Variants in MMP16 observed in about 807,000 individuals in gnomAD.
The protein encoded by MMP16 is matrix metalloproteinase-16.
MMP16 carries 12 observed loss-of-function variants against 67.8 expected under a neutral mutation model. The ratio of observed to expected loss-of-function variants is 0.18; its 90% CI spans 0.11 to 0.29. The LOEUF (loss-of-function observed/expected upper bound fraction) is 0.29, where lower values mean the gene tolerates loss of function less well. Ranked by LOEUF, MMP16 falls within the 10% of genes least tolerant of loss-of-function variation. The pLI is 1.00. For missense variants in MMP16, 475 were observed against 765.7 expected (o/e 0.62, Z 4.48); for synonymous variants, 249 against 255.9 (o/e 0.97, Z 0.26).
intron 1 of MMP16, among the ~76,000 whole-genome samples, chr8:88,324,236 ACT>A (rs1811504573): frequency 6.6e-6 from 1 of 151,992 alleles, no homozygotes; most frequent in Admixed American, 6.6e-5. Context: ...AACCAAATGC[ACT>A]CTCTTTCTGT....
intron 1 of MMP16, among the ~76,000 whole-genome samples, chr8:88,246,392 T>C (rs2129912817): frequency 6.6e-6 from 1 of 152,340 alleles, no homozygotes; most frequent in Middle Eastern, 3.4e-3. Flanking sequence ...AGTTATTGCA[T>C]ATGAATCCAT....
At chr8:88,230,383 G>C (rs13254181) in intron 1 of MMP16, among the ~76,000 whole-genome samples, 1 of 151,912 alleles carries the variant, frequency 6.6e-6, no homozygotes. Flanking sequence ...TCTGAAGCAG[G>C]CTACATAAAA....
intron 1 of MMP16, among the ~76,000 whole-genome samples, chr8:88,234,653 C>T (rs553633448): frequency 1.3e-5 from 2 of 152,212 alleles, no homozygotes; most frequent in African/African-American, 2.4e-5. Context: ...GAGTTAGACT[C>T]TGACCTTTAC....
chr8:88,247,648 A>C (rs1311268496), intron 1 of MMP16, among the ~76,000 whole-genome samples: 1 of 152,164 alleles, frequency 6.6e-6, no homozygotes, highest in Admixed American at 6.6e-5. Flanking sequence ...TGACAATAAA[A>C]GGTAGGAAAA....
At chr8:88,238,762 G>C (rs538020620) in intron 1 of MMP16, among the ~76,000 whole-genome samples, 1 of 147,606 alleles carries the variant, frequency 6.8e-6, no homozygotes, top group Non-Finnish European at 1.5e-5. Flanking sequence ...TAATAACTTT[G>C]AGGCATATGT....
intron 6 of MMP16, among the ~76,000 whole-genome samples, chr8:88,112,220 T>C (rs1809349150): frequency 1.3e-5 from 2 of 151,022 alleles, no homozygotes; most frequent in South Asian, 4.2e-4. Context: ...AAGGAACTCC[T>C]GGTGCTGTAT....
At chr8:88,243,877 G>A (rs886188305) in intron 1 of MMP16, among the ~76,000 whole-genome samples, 26 of 152,164 alleles carry the variant, frequency 1.7e-4, no homozygotes, top group Admixed American at 1.7e-3. Flanking sequence ...ACAAAGTTCT[G>A]GTTGCCAGAA....
At position 88,160,577 on chromosome 8, in the gene MMP16, G is replaced by A. The variant is rs7832351; in HGVS notation, c.709+7092C>T. On this transcript the variant is annotated intron_variant, in intron 4 of 9. Coordinates refer to ENST00000286614, the MANE Select transcript of MMP16 (RefSeq NM_005941.5). ...TCAGAGAAATGCAAATCAAAACCATGATGAGATACCACCTCGCACCAGTTA... is the reference window on the plus strand; with the variant it reads ...TCAGAGAAATGCAAATCAAAACCATAATGAGATACCACCTCGCACCAGTTA... 6.1e-3 allele frequency among the ~76,000 whole-genome samples: 924 copies of A among 152,088 alleles called. 4 individuals are homozygous for A. Among genetic ancestry groups the A allele is most frequent in the African/African-American group, 0.021 (873 of 41,496 alleles).
chr8:88,193,879 T>TTTTTTTG (rs1223330342), intron 2 of MMP16, among the ~76,000 whole-genome samples: 1 of 151,926 alleles, frequency 6.6e-6, no homozygotes, highest in African/African-American at 2.4e-5. Flanking sequence ...TGCCTTGCTA[T>TTTTTTTG]TTTTTTGTTT....
chr8:88,104,584 C>T (rs1019083137), intron 6 of MMP16, among the ~76,000 whole-genome samples: 14 of 151,410 alleles, frequency 9.2e-5, no homozygotes, highest in African/African-American at 3.4e-4. Flanking sequence ...AAAATTATAG[C>T]ACATACAATG....
intron 6 of MMP16, among the ~76,000 whole-genome samples, chr8:88,078,211 G>A (rs1253382455): frequency 6.6e-6 from 1 of 151,964 alleles, no homozygotes; most frequent in Non-Finnish European, 1.5e-5. Context: ...GCAAAGTCAA[G>A]TTGTGAAAAA....
chr8:88,296,829 A>G (rs1180311355), intron 1 of MMP16, among the ~76,000 whole-genome samples: 1 of 149,722 alleles, frequency 6.7e-6, no homozygotes, highest in Non-Finnish European at 1.5e-5. Context: ...TGGGTGGCAA[A>G]GTCAGACACT....
chr8:88,254,330 G>A (rs1006980172), intron 1 of MMP16, among the ~76,000 whole-genome samples: 11 of 152,010 alleles, frequency 7.2e-5, no homozygotes, highest in African/African-American at 2.7e-4. Context: ...GAGAGGGAGA[G>A]GATCAGGAAA....
At chr8:88,181,338 G>A (rs954873216) in intron 3 of MMP16, among the ~76,000 whole-genome samples, 15 of 151,942 alleles carry the variant, frequency 9.9e-5, no homozygotes, top group African/African-American at 3.6e-4. Flanking sequence ...TAGTAAAGTT[G>A]CAGGATACAA....
At chr8:88,226,764 C>A (rs932821564) in intron 1 of MMP16, among the ~76,000 whole-genome samples, 1 of 151,986 alleles carries the variant, frequency 6.6e-6, no homozygotes, top group Non-Finnish European at 1.5e-5. Context: ...TCTCTTCTGC[C>A]TATTTCAGTT....
intron 4 of MMP16, among the ~76,000 whole-genome samples, chr8:88,148,429 T>C (rs577250094): frequency 3.3e-5 from 5 of 152,332 alleles, no homozygotes; most frequent in Admixed American, 2.0e-4. Context: ...CCGGTGAAAA[T>C]AGCTGGGTGC....
At chr8:88,066,732 CAT>C (rs1357370969) in intron 7 of MMP16, among the ~76,000 whole-genome samples, 2 of 152,070 alleles carry the variant, frequency 1.3e-5, no homozygotes, top group Non-Finnish European at 1.5e-5. Flanking sequence ...CCACCCCACA[CAT>C]GTCTACACAT....
intron 6 of MMP16, among the ~76,000 whole-genome samples, chr8:88,090,564 G>C (rs1446412567): frequency 6.6e-6 from 1 of 151,624 alleles, no homozygotes; most frequent in Non-Finnish European, 1.5e-5. Flanking sequence ...GGTAATACCT[G>C]GTCCATCAAG....
intron 4 of MMP16, among the ~76,000 whole-genome samples, chr8:88,153,963 C>T (rs901442103): frequency 6.6e-6 from 1 of 150,562 alleles, no homozygotes; most frequent in African/African-American, 2.4e-5. Context: ...TCACAACCTA[C>T]TCATCTGACA....
Sources: gnomAD v4.1 joint callset for allele counts (sites outside exome capture counted in the v4.1 genomes callset) on GRCh38, gnomAD v4.1.1 for gene constraint, MANE v1.5 for transcripts, NCBI Gene and HGNC (gene_info 2026-07-23, HGNC 2026-07-21) for gene names.